Variants in BMPR1B observed in about 807,000 individuals in gnomAD.
BMPR1B encodes the protein bone morphogenetic protein receptor type-1B.
In BMPR1B, 12 loss-of-function variants were observed where a neutral mutation model predicts 59.1. That is an observed-to-expected ratio of 0.20 (90% CI 0.13 to 0.33). The LOEUF (loss-of-function observed/expected upper bound fraction) is 0.33, where lower values mean the gene tolerates loss of function less well. BMPR1B is among the 10% of genes least tolerant of loss of function. The pLI is 1.00. For missense variants in BMPR1B, 550 were observed against 610.9 expected (o/e 0.90, Z 1.05); for synonymous variants, 237 against 207.3 (o/e 1.14, Z -1.23).
chr4:94,807,894 A>G (rs1193197815), intron 1 of BMPR1B, among the ~76,000 whole-genome samples: 1 of 152,126 alleles, frequency 6.6e-6, no homozygotes, highest in Admixed American at 6.6e-5. Flanking sequence ...CATGTTGGCC[A>G]GGCTGGTGGT....
intron 2 of BMPR1B, among the ~76,000 whole-genome samples, chr4:94,898,684 G>A (rs1472271343): frequency 1.4e-5 from 2 of 147,670 alleles, no homozygotes; most frequent in Non-Finnish European, 3.0e-5. Flanking sequence ...TTTCTTCATA[G>A]CAGTATGAGA....
In BMPR1B at chr4:95,093,547, A is replaced by G. The variant is rs577675914; in HGVS notation, c.-17-10861A>G. On this transcript the variant is annotated intron_variant, in intron 3 of 12. Transcript: ENST00000515059. ...TATTTACTCTTCTTATGATTTTTTT[A>G]TGTCATAGTCTGGTGTTGTCTGTTG... Among the ~76,000 whole-genome samples, 11 of 151,888 alleles carry G rather than the reference A, an allele frequency of 7.2e-5. No homozygotes were observed. In the South Asian group the frequency reaches 2.3e-3, roughly 32 times the overall value.
chr4:95,142,122 T>G (rs1311592601), intron 10 of BMPR1B, among the ~76,000 whole-genome samples: 1 of 152,166 alleles, frequency 6.6e-6, no homozygotes, highest in Non-Finnish European at 1.5e-5. Flanking sequence ...TACCCTGAGA[T>G]TTCTTGGGAT....
chr4:94,839,440 G>A (rs1724955610), intron 1 of BMPR1B, among the ~76,000 whole-genome samples: 1 of 147,222 alleles, frequency 6.8e-6, no homozygotes, highest in African/African-American at 2.5e-5. Flanking sequence ...GAATCTGGGT[G>A]CTCCTGTATT....
At chr4:94,850,708 C>T (rs986841664) in intron 1 of BMPR1B, among the ~76,000 whole-genome samples, 1 of 152,074 alleles carries the variant, frequency 6.6e-6, no homozygotes. Context: ...CTGAGTGTAC[C>T]GCTCTTGTCC....
rs1036404307 is a variant in BMPR1B at position 95,086,626 on chromosome 4, G to A, written c.-17-17782G>A. The stretch of plus-strand genomic sequence containing the variant: ...ACTAAGAAGTGGCAATGAGTTTGAT[G>A]TTAGTAGAGGCCATGCCTTTGAACA... On this transcript the variant is annotated intron_variant, in intron 3 of 12. Transcript: ENST00000515059. Among the ~76,000 whole-genome samples, 8 of 152,324 alleles carry A rather than the reference G, an allele frequency of 5.3e-5. 1 individual carries two copies. Among genetic ancestry groups the A allele is most frequent in the African/African-American group, 1.7e-4 (7 of 41,566 alleles).
intron 2 of BMPR1B, among the ~76,000 whole-genome samples, chr4:94,937,397 C>T (rs1039047372): frequency 7.9e-5 from 12 of 152,152 alleles, no homozygotes; most frequent in Admixed American, 4.6e-4. Flanking sequence ...GGCTTTCTCA[C>T]ATCCACAAAC....
At chr4:95,049,365 C>T (rs936190065) in intron 3 of BMPR1B, among the ~76,000 whole-genome samples, 2 of 146,296 alleles carry the variant, frequency 1.4e-5, no homozygotes, top group Non-Finnish European at 3.0e-5. Flanking sequence ...CCTCCTGCCT[C>T]AGCCTGCCAA....
intron 2 of BMPR1B, among the ~76,000 whole-genome samples, chr4:94,956,374 C>A (rs1039829840): frequency 6.6e-6 from 1 of 151,966 alleles, no homozygotes; most frequent in Non-Finnish European, 1.5e-5. Context: ...TTATGATAAC[C>A]CCCTCCCCAT....
At chr4:94,967,350 G>GT (rs987984397) in intron 2 of BMPR1B, among the ~76,000 whole-genome samples, 1 of 152,154 alleles carries the variant, frequency 6.6e-6, no homozygotes, top group Non-Finnish European at 1.5e-5. Context: ...ATACGACCCT[G>GT]TTGTTAGAGA....
chr4:94,935,395 T>A (rs555589751), intron 2 of BMPR1B, among the ~76,000 whole-genome samples: 2 of 152,200 alleles, frequency 1.3e-5, no homozygotes, highest in Non-Finnish European at 2.9e-5. Context: ...GACCACCAAA[T>A]ATGTGTTGTG....
chr4:95,148,916 A>T lies in BMPR1B; in HGVS notation c.1245A>T (p.Val415=), dbSNP rs1734839882. The T allele has an allele frequency of 1.1e-5, 18 of 1,613,876 alleles. No homozygotes were observed. Among genetic ancestry groups the T allele is most frequent in the Non-Finnish European group, 1.4e-5 (17 of 1,179,884 alleles). ...LILWEVARRC[V]SGGIVEEYQL... ...TTTGGGAGGTTGCTAGGAGATGTGT[A>T]TCAGGAGGTAAGAAACAGTGCTGTC... The change falls in exon 11 of 13, where the codon GTA becomes GTT. Residue 415 remains valine (V), a synonymous_variant. Transcript: ENST00000515059.
In BMPR1B at chr4:95,131,493, C is replaced by G; in HGVS notation, c.1057C>G (p.Leu353Val). The G allele has an allele frequency of 6.2e-7, 1 of 1,614,036 alleles. No homozygotes were observed. Among genetic ancestry groups the G allele is most frequent in the South Asian group, 1.1e-5 (1 of 91,078 alleles). Reference protein sequence around the residue: ...NGTCCIADLGLAVKFISDTNE... With the variant: ...NGTCCIADLGVAVKFISDTNE... ...AACTTGCTGTATTGCTGACCTGGGC[C>G]TGGCTGTTAAATTTATTAGGTTAGT... is the stretch of plus-strand genomic sequence containing the variant. Residue 353 changes from leucine (L) to valine (V), a missense_variant, in exon 10 of 13, where the codon CTG (leucine) becomes GTG (valine). Leu to Val is a conservative substitution (Grantham distance 32). This residue lies in a region of BMPR1B where 318 missense variants were observed against 284.6 expected (regional missense o/e 1.12). Transcript: ENST00000515059.
intron 1 of BMPR1B, among the ~76,000 whole-genome samples, chr4:94,779,186 A>G (rs1722498049): frequency 6.6e-6 from 1 of 151,956 alleles, no homozygotes; most frequent in African/African-American, 2.4e-5. Context: ...GTCCAATTCT[A>G]TTTTTTTCCA....
chr4:94,891,015 T>C (rs1727371456), intron 2 of BMPR1B, among the ~76,000 whole-genome samples: 1 of 152,074 alleles, frequency 6.6e-6, no homozygotes, highest in African/African-American at 2.4e-5. Context: ...AGTTGGAAAA[T>C]AGTAATTGGA....
chr4:94,886,231 A>G (rs960385388), intron 2 of BMPR1B, among the ~76,000 whole-genome samples: 1 of 152,222 alleles, frequency 6.6e-6, no homozygotes, highest in African/African-American at 2.4e-5. Flanking sequence ...AAGCATTGCT[A>G]CAGATTAAAA....
intron 3 of BMPR1B, among the ~76,000 whole-genome samples, chr4:95,022,889 G>T (rs746474900): frequency 6.6e-6 from 1 of 152,096 alleles, no homozygotes; most frequent in Non-Finnish European, 1.5e-5. Context: ...AGACCAACCC[G>T]TTCTGTTGTA....
At chr4:94,999,664 A>G (rs1722302262) in intron 3 of BMPR1B, among the ~76,000 whole-genome samples, 1 of 152,230 alleles carries the variant, frequency 6.6e-6, no homozygotes, top group African/African-American at 2.4e-5. Flanking sequence ...AACTAAAGAC[A>G]GTGTCATGCC....
intron 1 of BMPR1B, among the ~76,000 whole-genome samples, chr4:94,765,808 A>G (rs1331032078): frequency 1.3e-5 from 2 of 152,184 alleles, no homozygotes; most frequent in Non-Finnish European, 2.9e-5. Context: ...TTCATGGAAC[A>G]GTGGTTTCGT....
Sources: gnomAD v4.1 joint callset for allele counts (sites outside exome capture counted in the v4.1 genomes callset) on GRCh38, gnomAD v4.1.1 for gene constraint, gnomAD v4.1.1 regional missense constraint, MANE v1.5 for transcripts, NCBI Gene and HGNC (gene_info 2026-07-23, HGNC 2026-07-21) for gene names.